Variants in PREX1 observed in about 807,000 individuals in gnomAD.
The protein encoded by PREX1 is phosphatidylinositol-3,4,5-trisphosphate dependent Rac exchange factor 1, also known as phosphatidylinositol 3,4,5-trisphosphate-dependent Rac exchanger 1 protein.
Under a neutral mutation model 198.3 loss-of-function variants are expected in PREX1, and 41 were observed. The ratio of observed to expected loss-of-function variants is 0.21; its 90% CI spans 0.16 to 0.27. The LOEUF (loss-of-function observed/expected upper bound fraction) is 0.27, where lower values mean the gene tolerates loss of function less well. PREX1 is among the 10% of genes least tolerant of loss of function. The pLI is 1.00. For missense variants in PREX1, 1,620 were observed against 2,200.7 expected, an observed-to-expected ratio of 0.74 and a Z score of 5.28; for synonymous variants, 843 against 887.2, an observed-to-expected ratio of 0.95 and a Z score of 0.89.
the PREX1 span, among the ~76,000 whole-genome samples, chr20:48,862,807 A>ATATATATG: frequency 7.9e-6 from 1 of 126,710 alleles, no homozygotes; most frequent in African/African-American, 3.2e-5. Flanking sequence ...ATATATATAT[A>ATATATATG]TATATACTAA....
intron 1 of PREX1, among the ~76,000 whole-genome samples, chr20:48,776,616 T>C (rs1489240383): frequency 6.6e-6 from 1 of 152,208 alleles, no homozygotes; most frequent in African/African-American, 2.4e-5. Flanking sequence ...GAACACTGCT[T>C]GTAGGGCTGG....
chr20:48,677,248 G>A (rs569365915), intron 13 of PREX1, among the ~76,000 whole-genome samples: 1 of 152,284 alleles, frequency 6.6e-6, no homozygotes, highest in East Asian at 1.9e-4. Flanking sequence ...AGCAGCAGAG[G>A]AGCCCAGGAG....
the PREX1 span, among the ~76,000 whole-genome samples, chr20:48,862,789 AAATATAT>A: frequency 1.3e-5 from 1 of 76,220 alleles, no homozygotes; most frequent in African/African-American, 4.6e-5. Flanking sequence ...CTAAAAAAAA[AAATATAT>A]ATATATATAT....
chr20:48,650,874 C>T lies in PREX1; in HGVS notation c.2817+20G>A, dbSNP rs772298813. The T allele has an allele frequency of 6.2e-6, 10 of 1,613,196 alleles. No homozygotes were observed. Among genetic ancestry groups the T allele is most frequent in the African/African-American group, 4.0e-5 (3 of 74,902 alleles). ...TGTCTGGGACCTGTGGCAGAGACCC[C>T]GGAGGGAGCACGCAGGCACCTCCTG... is the stretch of plus-strand genomic sequence containing the variant. On this transcript the variant is annotated intron_variant, in intron 23 of 39. Coordinates refer to ENST00000371941, the MANE Select transcript of PREX1 (RefSeq NM_020820.4).
At chr20:48,667,562 C>T (rs2089648115) in intron 14 of PREX1, among the ~76,000 whole-genome samples, 1 of 152,248 alleles carries the variant, frequency 6.6e-6, no homozygotes, top group Non-Finnish European at 1.5e-5. Context: ...CACCTAGCTC[C>T]ATGCTTCTTG....
chr20:48,671,974 G>T (rs967532390), intron 14 of PREX1, among the ~76,000 whole-genome samples: 1 of 152,202 alleles, frequency 6.6e-6, no homozygotes, highest in Non-Finnish European at 1.5e-5. Flanking sequence ...CAAGATGCGG[G>T]TGCCTGGGGT....
At chr20:48,669,229 G>A (rs2089659514) in intron 14 of PREX1, among the ~76,000 whole-genome samples, 1 of 150,442 alleles carries the variant, frequency 6.6e-6, no homozygotes, top group Admixed American at 6.6e-5. Flanking sequence ...CACCTGGAAT[G>A]CCCTGCCCCG....
Position 48,655,347 on chromosome 20 carries a change from TGTCCGGCTG to T in PREX1, c.2143_2151del (p.Gln715_Asp717del). ...GCTCCACGAATCTGGAAGCACAGTG[TGTCCGGCTG>T]GTCGGGGATTTTGATGATCCTGCAC... On this transcript the variant is annotated inframe_deletion, in exon 19 of 40. Transcript: ENST00000371941. 1 of 1,595,728 alleles carries T rather than the reference TGTCCGGCTG, an allele frequency of 6.3e-7. No individual in the cohort carries two copies. Among genetic ancestry groups the T allele is most frequent in the Non-Finnish European group, 8.6e-7 (1 of 1,169,534 alleles).
chr20:48,629,472 G>C lies in PREX1; in HGVS notation c.4743C>G (p.Val1581=), dbSNP rs2089297041. Residue 1581 remains valine (V), a synonymous_variant, in exon 37 of 40, where the codon GTC becomes GTG. Transcript: ENST00000371941. ...LCYRLGACQM[V]MCGTGMQRST... is the part of the protein sequence containing the mutation. Reference sequence around the variant, plus strand: ...ACCTCTGCATGCCTGTGCCACACATGACCATCTGGCAGGCCCCCAGGCGGT... The same window carrying C: ...ACCTCTGCATGCCTGTGCCACACATCACCATCTGGCAGGCCCCCAGGCGGT... The C allele has an allele frequency of 6.2e-7, 1 of 1,613,672 alleles. No homozygotes were observed. Among genetic ancestry groups the C allele is most frequent in the Non-Finnish European group, 8.5e-7 (1 of 1,179,896 alleles).
chr20:48,633,509 G>A (rs1483337234), intron 33 of PREX1, among the ~76,000 whole-genome samples: 2 of 152,192 alleles, frequency 1.3e-5, no homozygotes, highest in African/African-American at 4.8e-5. Context: ...CTAATCCAGT[G>A]CCTGGTTCCT....
At chr20:48,725,713 T>C (rs1308479231) in intron 5 of PREX1, among the ~76,000 whole-genome samples, 25 of 152,224 alleles carry the variant, frequency 1.6e-4, no homozygotes, top group Admixed American at 1.6e-3. Flanking sequence ...TCAAAATGAT[T>C]GGTTCAGGAG....
At chr20:48,695,206 TA>T (rs2089839250) in intron 7 of PREX1, among the ~76,000 whole-genome samples, 1 of 152,214 alleles carries the variant, frequency 6.6e-6, no homozygotes, top group Admixed American at 6.5e-5. Flanking sequence ...GTCCTGAGTC[TA>T]ACCCCATAGA....
At position 48,698,815 on chromosome 20, in the gene PREX1, G is replaced by A. The variant is rs576989413; in HGVS notation, c.917+1938C>T. Among the ~76,000 whole-genome samples, 4 of 152,316 alleles carry A rather than the reference G, an allele frequency of 2.6e-5. No homozygotes were observed. In the East Asian group the frequency reaches 7.7e-4, roughly 29 times the overall value. ...CAACAATGGTGCTGGCAGCTACTGT[G>A]CTGTGCACTCACTATGTCCCAGGCA... On this transcript the variant is annotated intron_variant, in intron 7 of 39. Coordinates refer to ENST00000371941, the MANE Select transcript of PREX1 (RefSeq NM_020820.4).
intron 36 of PREX1, among the ~76,000 whole-genome samples, chr20:48,630,526 C>A (rs779029496): frequency 9.9e-5 from 15 of 152,134 alleles, no homozygotes; most frequent in Admixed American, 2.6e-4. Flanking sequence ...CGGCTGCCAG[C>A]GAAAATAAAT....
intron 15 of PREX1, among the ~76,000 whole-genome samples, chr20:48,664,369 C>T (rs1228600773): frequency 2.2e-5 from 3 of 139,358 alleles, no homozygotes; most frequent in Admixed American, 7.7e-5. Context: ...AGCAAGACTC[C>T]GTCTGAAAAA....
chr20:48,731,631 G>A (rs1167749940), intron 4 of PREX1, among the ~76,000 whole-genome samples: 1 of 152,234 alleles, frequency 6.6e-6, no homozygotes, highest in East Asian at 1.9e-4. Flanking sequence ...GCACAACATG[G>A]ATGGAAAGCC....
intron 7 of PREX1, among the ~76,000 whole-genome samples, chr20:48,699,687 C>A (rs1050436918): frequency 3.3e-5 from 5 of 152,280 alleles, no homozygotes; most frequent in African/African-American, 1.2e-4. Context: ...ACCTCCGTCA[C>A]CAACCCACCT....
At chr20:48,747,938 G>A in intron 1 of PREX1, 58 bp from the exon 2 acceptor site, 2 of 1,492,886 alleles carry the variant, frequency 1.3e-6, no homozygotes, top group Non-Finnish European at 9.2e-7. Flanking sequence ...CCCATGGACG[G>A]CCCTACAGAA....
chr20:48,840,478 G>A, the PREX1 span, among the ~76,000 whole-genome samples: 4 of 152,248 alleles, frequency 2.6e-5, no homozygotes, highest in South Asian at 8.3e-4. Context: ...GTGAGCAAGC[G>A]TTTTCAGGTT....
Sources: allele counts gnomAD v4.1 joint callset (sites outside exome capture counted in the v4.1 genomes callset), GRCh38; gene constraint gnomAD v4.1.1; transcripts MANE v1.5; gene names NCBI Gene and HGNC (gene_info 2026-07-23, HGNC 2026-07-21).